The following PPP2R2B variants were observed in gnomAD, a reference collection of about 807,000 sequenced individuals.
PPP2R2B encodes the protein serine/threonine-protein phosphatase 2A 55 kDa regulatory subunit B beta isoform.
A neutral mutation model predicts 46.0 loss-of-function variants in PPP2R2B; 5 were observed. That is an observed-to-expected ratio of 0.11 (90% CI 0.06 to 0.23). The LOEUF (loss-of-function observed/expected upper bound fraction) is 0.23, where lower values mean the gene tolerates loss of function less well. PPP2R2B is among the 10% of genes least tolerant of loss of function. The pLI is 1.00. For synonymous variants in PPP2R2B, 215 were observed against 206.7 expected, an observed-to-expected ratio of 1.04 and a Z score of -0.34; for missense variants, 367 against 575.0, an observed-to-expected ratio of 0.64 and a Z score of 3.70.
intron 1 of PPP2R2B, among the ~76,000 whole-genome samples, chr5:147,008,658 C>G (rs1300872948): frequency 6.6e-6 from 1 of 152,130 alleles, no homozygotes; most frequent in Non-Finnish European, 1.5e-5. Context: ...TCTAAGAGGC[C>G]TTCCTCAACC....
At chr5:146,732,454 T>G (rs1349261039) in intron 2 of PPP2R2B, among the ~76,000 whole-genome samples, 1 of 152,154 alleles carries the variant, frequency 6.6e-6, no homozygotes, top group East Asian at 1.9e-4. Flanking sequence ...GAGGCATGAT[T>G]TGGAATTTCC....
intron 2 of PPP2R2B, among the ~76,000 whole-genome samples, chr5:146,876,898 C>G (rs1188933416): frequency 6.6e-6 from 1 of 152,098 alleles, no homozygotes; most frequent in Non-Finnish European, 1.5e-5. Context: ...CTCTTTTACT[C>G]CCCCCATCAC....
intron 1 of PPP2R2B, among the ~76,000 whole-genome samples, chr5:146,934,496 G>C (rs1051188464): frequency 7.1e-6 from 1 of 140,730 alleles, no homozygotes; most frequent in Admixed American, 7.9e-5. Flanking sequence ...AGAAGTGTCT[G>C]TTCATGTCCT....
intron 1 of PPP2R2B, among the ~76,000 whole-genome samples, chr5:146,903,598 A>G (rs940571956): frequency 1.5e-4 from 23 of 151,870 alleles, no homozygotes; most frequent in African/African-American, 5.6e-4. Flanking sequence ...GGGTTTCGCC[A>G]TGTTGCCTGG....
At chr5:146,835,432 G>A (rs1759221316) in intron 2 of PPP2R2B, among the ~76,000 whole-genome samples, 1 of 151,980 alleles carries the variant, frequency 6.6e-6, no homozygotes, top group Non-Finnish European at 1.5e-5. Flanking sequence ...AGTTGACCTG[G>A]GCCCCACCCT....
At chr5:146,788,162 A>G (rs1034970328) in intron 2 of PPP2R2B, among the ~76,000 whole-genome samples, 2 of 152,124 alleles carry the variant, frequency 1.3e-5, no homozygotes, top group African/African-American at 4.8e-5. Context: ...TCGGATATAT[A>G]GTGTCTTCTA....
rs145292022 is a variant in PPP2R2B at position 146,803,842 on chromosome 5, G to A, written c.70+74160C>T. ...GGAGAAATAACAGTGCTTGCTTCAT[G>A]TAGTTGTTGTGAGGAAATCAGGTAA... On this transcript the variant is annotated intron_variant, in intron 2 of 9. Coordinates refer to ENST00000394411, the MANE Select transcript of PPP2R2B (RefSeq NM_181675.4). Among the ~76,000 whole-genome samples the A allele has an allele frequency of 2.7e-3, 413 of 152,318 alleles. 3 individuals carry two copies. Among genetic ancestry groups the A allele is most frequent in the African/African-American group, 9.5e-3 (393 of 41,576 alleles).
chr5:146,901,931 A>C (rs1762848758), intron 1 of PPP2R2B, among the ~76,000 whole-genome samples: 2 of 152,222 alleles, frequency 1.3e-5, no homozygotes, highest in African/African-American at 4.8e-5. Context: ...GAGGATGGCC[A>C]AAGATGAAAT....
chr5:147,035,999 A>G (rs939074368), intron 1 of PPP2R2B, among the ~76,000 whole-genome samples: 2 of 152,152 alleles, frequency 1.3e-5, no homozygotes, highest in African/African-American at 2.4e-5. Context: ...ATTATTTTTT[A>G]AAATTTCCAA....
intron 1 of PPP2R2B, among the ~76,000 whole-genome samples, chr5:146,960,278 T>C (rs4705449): frequency 0.57 from 87,172 of 151,898 alleles, 25,639 homozygotes; most frequent in Non-Finnish European, 0.64. Context: ...TGGTTACATG[T>C]GTAAAGAAAA....
chr5:147,005,662 A>T (rs1342430270), intron 1 of PPP2R2B, among the ~76,000 whole-genome samples: 2 of 152,050 alleles, frequency 1.3e-5, no homozygotes, highest in Non-Finnish European at 2.9e-5. Context: ...AGAGAAAGAG[A>T]CAGGAAGTCA....
intron 2 of PPP2R2B, among the ~76,000 whole-genome samples, chr5:146,766,566 A>G (rs1754490243): frequency 6.6e-6 from 1 of 152,254 alleles, no homozygotes; most frequent in Non-Finnish European, 1.5e-5. Context: ...TGTTGTGCTC[A>G]GTACTTTCCC....
intron 2 of PPP2R2B, among the ~76,000 whole-genome samples, chr5:146,725,249 A>T (rs1751791050): frequency 6.6e-6 from 1 of 152,178 alleles, no homozygotes; most frequent in Non-Finnish European, 1.5e-5. Flanking sequence ...GAGTGAATTA[A>T]TGCTTCTTAT....
At chr5:146,800,522 C>G (rs1756797149) in intron 2 of PPP2R2B, among the ~76,000 whole-genome samples, 1 of 150,776 alleles carries the variant, frequency 6.6e-6, no homozygotes, top group African/African-American at 2.4e-5. Flanking sequence ...GACTTGCTCT[C>G]ATAGTCTCAT....
intron 2 of PPP2R2B, among the ~76,000 whole-genome samples, chr5:146,850,230 T>C (rs1470588787): frequency 6.6e-6 from 1 of 152,168 alleles, no homozygotes; most frequent in Admixed American, 6.5e-5. Flanking sequence ...GCATATATTA[T>C]GTACATTTTG....
chr5:146,797,476 G>C (rs1312554962), intron 2 of PPP2R2B, among the ~76,000 whole-genome samples: 1 of 152,152 alleles, frequency 6.6e-6, no homozygotes, highest in African/African-American at 2.4e-5. Flanking sequence ...TTTTTAGCAG[G>C]AGGATGATAA....
At position 146,936,296 on chromosome 5, in the gene PPP2R2B, A is replaced by G. The variant is rs151232913; in HGVS notation, c.79+119369T>C. 8.9e-3 allele frequency among the ~76,000 whole-genome samples: 1,349 copies of G among 152,182 alleles called. 23 individuals carry two copies. Among genetic ancestry groups the G allele is most frequent in the African/African-American group, 0.031 (1,292 of 41,540 alleles). ...TTTGATACAATCATTGTGCCCATCC[A>G]TTATTACACTTTGTCCTGGTCATTC... is the stretch of plus-strand genomic sequence containing the variant. On this transcript the variant is annotated intron_variant, in intron 1 of 8. Coordinates refer to the PPP2R2B transcript ENST00000336640.
chr5:146,762,276 C>T (rs192225277), intron 2 of PPP2R2B, among the ~76,000 whole-genome samples: 2 of 152,274 alleles, frequency 1.3e-5, no homozygotes, highest in African/African-American at 2.4e-5. Flanking sequence ...TTATGAACAA[C>T]GTGGACTCAA....
At chr5:146,894,185 A>G (rs894924967) in intron 1 of PPP2R2B, among the ~76,000 whole-genome samples, 6 of 152,204 alleles carry the variant, frequency 3.9e-5, no homozygotes, top group African/African-American at 1.4e-4. Flanking sequence ...TGTTACCACA[A>G]GTACAATCAT....
Sources: gnomAD v4.1 joint callset for allele counts (sites outside exome capture counted in the v4.1 genomes callset) on GRCh38, gnomAD v4.1.1 for gene constraint, MANE v1.5 for transcripts, NCBI Gene and HGNC (gene_info 2026-07-23, HGNC 2026-07-21) for gene names.